The following CSMD1 variants were observed in gnomAD, a reference collection of about 807,000 sequenced individuals.
CSMD1 encodes CUB and Sushi multiple domains 1, also known as CUB and sushi domain-containing protein 1.
A neutral mutation model predicts 417.5 loss-of-function variants in CSMD1; 213 were observed. That is an observed-to-expected ratio of 0.51 (90% confidence interval 0.46 to 0.57). CSMD1 has a LOEUF of 0.57. CSMD1 is among the 20% of genes least tolerant of loss of function. The pLI is 0.00. For missense variants in CSMD1, 6,923 were observed against 4,529.7 expected, an observed-to-expected ratio of 1.53 and a Z score of -15.17; for synonymous variants, 2,862 against 1,736.8, an observed-to-expected ratio of 1.65 and a Z score of -16.11.
At chr8:4,473,048 G>T (rs1455061103) in intron 2 of CSMD1, among the ~76,000 whole-genome samples, 1 of 151,786 alleles carries the variant, frequency 6.6e-6, no homozygotes, top group East Asian at 1.9e-4. Context: ...TTCAAATTCT[G>T]CATTAAGTGA....
At chr8:3,732,857 G>A (rs1584917605) in intron 6 of CSMD1, among the ~76,000 whole-genome samples, 2 of 152,030 alleles carry the variant, frequency 1.3e-5, no homozygotes, top group African/African-American at 2.4e-5. Flanking sequence ...TTTGAAATCT[G>A]TTTTAAAAGA....
At chr8:3,984,342 A>T (rs1814144436) in intron 5 of CSMD1, among the ~76,000 whole-genome samples, 1 of 152,180 alleles carries the variant, frequency 6.6e-6, no homozygotes, top group Non-Finnish European at 1.5e-5. Flanking sequence ...GCCAAAAGAA[A>T]ATGCTGACGA....
At chr8:3,706,144 A>G (rs1307461810) in intron 7 of CSMD1, among the ~76,000 whole-genome samples, 1 of 152,188 alleles carries the variant, frequency 6.6e-6, no homozygotes, top group Non-Finnish European at 1.5e-5. Flanking sequence ...TCCATTTACT[A>G]TGGAAGGCTC....
chr8:4,189,456 G>T lies in CSMD1; in HGVS notation c.416-157357C>A, dbSNP rs182530626. Among the ~76,000 whole-genome samples the T allele has an allele frequency of 5.6e-3, 851 of 152,242 alleles. 12 individuals carry two copies. Among genetic ancestry groups the T allele is most frequent in the African/African-American group, 0.016 (674 of 41,530 alleles). On this transcript the variant is annotated intron_variant, in intron 3 of 69. Coordinates refer to ENST00000635120, the MANE Select transcript of CSMD1 (RefSeq NM_033225.6). ...AACAGTAGTCCAGCAAAGTATGTTT[G>T]CAGAAAAGAAAAACAAAATTTTTCC... is the stretch of plus-strand genomic sequence containing the variant.
chr8:4,177,743 G>C (rs1388026264), intron 3 of CSMD1, among the ~76,000 whole-genome samples: 2 of 150,506 alleles, frequency 1.3e-5, no homozygotes, highest in Admixed American at 6.6e-5. Context: ...AATGATAAAG[G>C]GGATATCACC....
At chr8:4,680,950 A>ATGTGTGTGTGTGTGTGTGTG (rs71209112) in intron 1 of CSMD1, among the ~76,000 whole-genome samples, 2 of 144,484 alleles carry the variant, frequency 1.4e-5, no homozygotes, top group African/African-American at 5.2e-5. Context: ...ATCTATATTG[A>ATGTGTGTGTGTGTGTGTGTG]TGTGTGTGTG....
chr8:3,736,236 TTTTTG>T lies in CSMD1; in HGVS notation c.931+17689_931+17693del, dbSNP rs369485005. Among the ~76,000 whole-genome samples, 471 of 152,176 alleles carry T rather than the reference TTTTTG, an allele frequency of 3.1e-3. 4 individuals are homozygous for T. The highest frequency in any genetic ancestry group is 0.011 in the African/African-American group (436 of 41,514). On this transcript the variant is annotated intron_variant, in intron 6 of 69. Transcript: ENST00000635120. ...CTCAACATTTGTGTGTGTGTGTATT[TTTTTG>T]TTTTGTTTTGTTTTGTTTTTGACAG...
At chr8:4,140,230 G>T (rs546912137) in intron 3 of CSMD1, among the ~76,000 whole-genome samples, 3 of 135,270 alleles carry the variant, frequency 2.2e-5, no homozygotes, top group South Asian at 4.7e-4. Context: ...TGGATATGAA[G>T]GCTCAGCCTG....
intron 5 of CSMD1, among the ~76,000 whole-genome samples, chr8:3,926,269 C>G (rs926707827): frequency 6.6e-6 from 1 of 152,196 alleles, no homozygotes; most frequent in Admixed American, 6.5e-5. Flanking sequence ...TCCATGTCCT[C>G]TCTAACCAAT....
chr8:3,372,517 G>A (rs1315205058), intron 18 of CSMD1, among the ~76,000 whole-genome samples: 3 of 152,196 alleles, frequency 2.0e-5, no homozygotes, highest in African/African-American at 7.2e-5. Context: ...AAGATGGGAA[G>A]ACATGGTCTG....
chr8:4,241,092 C>T (rs1055866434), intron 3 of CSMD1, among the ~76,000 whole-genome samples: 7 of 152,144 alleles, frequency 4.6e-5, no homozygotes, highest in Non-Finnish European at 8.8e-5. Context: ...TTATCCTCTA[C>T]ATAGAATCCT....
chr8:4,624,085 A>G (rs1016101989), intron 2 of CSMD1, among the ~76,000 whole-genome samples: 1 of 152,170 alleles, frequency 6.6e-6, no homozygotes, highest in African/African-American at 2.4e-5. Context: ...AAAGAAATCT[A>G]TTATGTATCC....
chr8:3,694,320 G>A (rs62474724), intron 7 of CSMD1, among the ~76,000 whole-genome samples: 34,618 of 151,912 alleles, frequency 0.23, 4,834 homozygotes, highest in East Asian at 0.45. Flanking sequence ...GAGCACAGCA[G>A]CATGACTGAG....
At chr8:3,916,879 A>T (rs770781819) in intron 5 of CSMD1, among the ~76,000 whole-genome samples, 32 of 151,450 alleles carry the variant, frequency 2.1e-4, no homozygotes, top group Admixed American at 3.3e-4. Flanking sequence ...AAAAGTCCCT[A>T]GCTGGTCATG....
chr8:4,186,398 C>T (rs1798678243), intron 3 of CSMD1, among the ~76,000 whole-genome samples: 1 of 152,150 alleles, frequency 6.6e-6, no homozygotes, highest in Non-Finnish European at 1.5e-5. Flanking sequence ...CACCCCAAGA[C>T]AGTCCAGTCC....
chr8:4,854,865 T>A (rs1377864896), intron 1 of CSMD1, among the ~76,000 whole-genome samples: 1 of 152,156 alleles, frequency 6.6e-6, no homozygotes, highest in Admixed American at 6.5e-5. Flanking sequence ...CCAGGCTTGC[T>A]TAGGTAAACA....
intron 3 of CSMD1, among the ~76,000 whole-genome samples, chr8:4,188,392 A>C (rs35364155): frequency 0.38 from 57,670 of 151,762 alleles, 11,892 homozygotes; most frequent in South Asian, 0.48. Flanking sequence ...ACAACACAGG[A>C]AACATTCGTA....
chr8:3,709,920 C>A (rs931437731), intron 6 of CSMD1, among the ~76,000 whole-genome samples: 5 of 23,964 alleles, frequency 2.1e-4, no homozygotes, highest in African/African-American at 9.1e-4. Context: ...ACAGGAGACC[C>A]CTGAAGCATA....
chr8:3,332,924 G>A (rs1267818678), intron 23 of CSMD1, among the ~76,000 whole-genome samples: 3 of 152,192 alleles, frequency 2.0e-5, no homozygotes, highest in East Asian at 1.9e-4. Flanking sequence ...GGAAGTGTCT[G>A]TTCTGTCGAT....
Sources: allele counts gnomAD v4.1 joint callset (sites outside exome capture counted in the v4.1 genomes callset), GRCh38; gene constraint gnomAD v4.1.1; transcripts MANE v1.5; gene names NCBI Gene and HGNC (gene_info 2026-07-23, HGNC 2026-07-21).